The following TRHDE variants were observed in gnomAD, a reference collection of about 807,000 sequenced individuals.
TRHDE encodes the protein thyrotropin releasing hormone degrading enzyme.
TRHDE carries 72 observed loss-of-function variants against 125.7 expected under a neutral mutation model. That is an observed-to-expected ratio of 0.57 (90% CI 0.47 to 0.70). The LOEUF (loss-of-function observed/expected upper bound fraction) is 0.70, where lower values mean the gene tolerates loss of function less well. Among genes scored for constraint, TRHDE ranks in the 30% least tolerant of loss-of-function variants. TRHDE has a pLI of 0.00. For missense variants in TRHDE, 1,110 were observed against 1,327.1 expected, an observed-to-expected ratio of 0.84 and a Z score of 2.54; for synonymous variants, 509 against 509.1, an observed-to-expected ratio of 1.00 and a Z score of 0.00.
chr12:72,136,156 T>C (rs542816051), intron 2 of TRHDE, among the ~76,000 whole-genome samples: 1 of 152,310 alleles, frequency 6.6e-6, no homozygotes, highest in South Asian at 2.1e-4. Flanking sequence ...CAGTGCAGAA[T>C]ATAAGCAACT....
intron 2 of TRHDE, among the ~76,000 whole-genome samples, chr12:72,241,658 A>C (rs1289994243): frequency 6.6e-6 from 1 of 152,178 alleles, no homozygotes; most frequent in Non-Finnish European, 1.5e-5. Context: ...TAGGGCAAAC[A>C]CTCAGGACTA....
rs146672561 is a variant in TRHDE, at chr12:72,519,398, T to C, written c.1722+19763T>C. Among the ~76,000 whole-genome samples, 487 of 152,302 alleles carry C rather than the reference T, an allele frequency of 3.2e-3. 12 individuals are homozygous for C. The East Asian group carries it at 0.043, about 14-fold the overall frequency. The stretch of plus-strand genomic sequence containing the variant: ...TTCTCACTTCGTTTCATTCATTTCA[T>C]CTTCCATCGCTGAACCCTTTCTTCC... On this transcript the variant is annotated intron_variant, in intron 6 of 18. Coordinates refer to ENST00000261180, the MANE Select transcript of TRHDE (RefSeq NM_013381.3).
intron 2 of TRHDE, among the ~76,000 whole-genome samples, chr12:72,117,205 T>G (rs1023296392): frequency 1.3e-5 from 2 of 152,172 alleles, no homozygotes; most frequent in Admixed American, 6.6e-5. Context: ...AGTTTTATAG[T>G]TTTAGGTCTT....
chr12:72,656,003 C>G (rs886992991), intron 17 of TRHDE, among the ~76,000 whole-genome samples: 1 of 152,092 alleles, frequency 6.6e-6, no homozygotes, highest in African/African-American at 2.4e-5. Flanking sequence ...TAAGAGCCTA[C>G]AAGTTAGGGA....
intron 15 of TRHDE, among the ~76,000 whole-genome samples, chr12:72,643,789 A>C (rs1874165986): frequency 2.0e-5 from 3 of 152,196 alleles, no homozygotes; most frequent in South Asian, 4.1e-4. Context: ...TGGTGAACAG[A>C]ATGAATACTT....
intron 2 of TRHDE, among the ~76,000 whole-genome samples, chr12:72,124,032 C>T (rs952213893): frequency 6.6e-6 from 1 of 152,090 alleles, no homozygotes; most frequent in Non-Finnish European, 1.5e-5. Flanking sequence ...TGCTGTTGTA[C>T]AGGCATATAA....
intron 2 of TRHDE, among the ~76,000 whole-genome samples, chr12:72,308,496 G>A (rs976978237): frequency 6.6e-6 from 1 of 151,922 alleles, no homozygotes; most frequent in African/African-American, 2.4e-5. Flanking sequence ...CATAATAAAA[G>A]CTTGTTAGAT....
intron 7 of TRHDE, among the ~76,000 whole-genome samples, chr12:72,551,212 G>A (rs1303668945): frequency 1.3e-5 from 2 of 152,144 alleles, no homozygotes; most frequent in African/African-American, 2.4e-5. Flanking sequence ...TAAGTTACAT[G>A]TTTTGAACCT....
chr12:72,523,882 C>T (rs1003817731), intron 6 of TRHDE, among the ~76,000 whole-genome samples: 2 of 152,112 alleles, frequency 1.3e-5, no homozygotes, highest in Non-Finnish European at 2.9e-5. Context: ...TGAAATTCTC[C>T]AGGGACAGAA....
intron 6 of TRHDE, among the ~76,000 whole-genome samples, chr12:72,513,125 C>T (rs568490750): frequency 5.3e-5 from 8 of 152,128 alleles, no homozygotes; most frequent in East Asian, 1.9e-4. Flanking sequence ...ATTAGTACAC[C>T]GTTGTTTTTA....
chr12:72,176,037 A>G (rs1483970746), intron 2 of TRHDE, among the ~76,000 whole-genome samples: 1 of 152,232 alleles, frequency 6.6e-6, no homozygotes, highest in African/African-American at 2.4e-5. Flanking sequence ...CCACCTTGTC[A>G]GTCAGAGAAC....
chr12:72,604,572 TTC>T (rs1872351463), intron 12 of TRHDE, among the ~76,000 whole-genome samples: 1 of 152,076 alleles, frequency 6.6e-6, no homozygotes, highest in Non-Finnish European at 1.5e-5. Flanking sequence ...AAATTTCTAA[TTC>T]TTTCAATATT....
intron 15 of TRHDE, among the ~76,000 whole-genome samples, chr12:72,645,039 G>A (rs1357508738): frequency 6.6e-6 from 1 of 152,180 alleles, no homozygotes; most frequent in East Asian, 1.9e-4. Flanking sequence ...AGGCCAGTTT[G>A]TGAATTTGGA....
At chr12:72,387,286 C>A (rs911823237) in intron 3 of TRHDE, among the ~76,000 whole-genome samples, 3 of 152,176 alleles carry the variant, frequency 2.0e-5, no homozygotes, top group African/African-American at 7.2e-5. Context: ...ATCAGCAAAT[C>A]CTTTTGGCTC....
chr12:72,317,160 A>C (rs1237217309), intron 2 of TRHDE, among the ~76,000 whole-genome samples: 2 of 152,190 alleles, frequency 1.3e-5, no homozygotes, highest in African/African-American at 4.8e-5. Flanking sequence ...TTTTTATACA[A>C]CTTCTAAGTG....
At chr12:72,581,195 T>C (rs754181879) in intron 12 of TRHDE, among the ~76,000 whole-genome samples, 1 of 152,226 alleles carries the variant, frequency 6.6e-6, no homozygotes, top group Non-Finnish European at 1.5e-5. Flanking sequence ...AATTCTTACT[T>C]AATTGTTGAA....
chr12:72,131,493 C>A (rs1220527819), intron 2 of TRHDE, among the ~76,000 whole-genome samples: 1 of 151,938 alleles, frequency 6.6e-6, no homozygotes, highest in African/African-American at 2.4e-5. Flanking sequence ...AAATTATCCC[C>A]TTTTCCCATA....
At chr12:72,158,635 T>A (rs1454404165) in intron 2 of TRHDE, among the ~76,000 whole-genome samples, 1 of 152,200 alleles carries the variant, frequency 6.6e-6, no homozygotes, top group African/African-American at 2.4e-5. Flanking sequence ...CAGTAAAGAC[T>A]ATTCATCTTT....
At chr12:72,440,715 G>A (rs925412771) in intron 3 of TRHDE, among the ~76,000 whole-genome samples, 2 of 151,850 alleles carry the variant, frequency 1.3e-5, no homozygotes, top group Non-Finnish European at 2.9e-5. Context: ...CCTGGCTCTA[G>A]CATCTGAGGT....
Sources: gnomAD v4.1 joint callset for allele counts (sites outside exome capture counted in the v4.1 genomes callset) on GRCh38, gnomAD v4.1.1 for gene constraint, MANE v1.5 for transcripts, NCBI Gene and HGNC (gene_info 2026-07-23, HGNC 2026-07-21) for gene names.